MEGF6: variants seen among roughly 807,000 people sequenced by gnomAD.
MEGF6 encodes the protein multiple epidermal growth factor-like domains protein 6.
MEGF6 carries 184 observed loss-of-function variants against 207.1 expected under a neutral mutation model. That is an observed-to-expected ratio of 0.89 (90% CI 0.79 to 1.00). The LOEUF is 1.00. Ranked by LOEUF, MEGF6 falls within the 50% of genes least tolerant of loss-of-function variation. The probability of loss-of-function intolerance (pLI) is 0.00; values close to 1 mark genes in which losing one functional copy is unlikely to be tolerated. For missense variants in MEGF6, 2,282 were observed against 2,202.9 expected (o/e 1.04, Z -0.72); for synonymous variants, 1,038 against 910.0 (o/e 1.14, Z -2.53).
intron 3 of MEGF6, 113 bp from the exon 4 acceptor site, chr1:3,580,042 C>T (rs1344303543): frequency 8.5e-6 from 6 of 704,424 alleles, no homozygotes; most frequent in Non-Finnish European, 1.4e-5. Context: ...AGGTCCCCAG[C>T]CCCGTTCTCT....
chr1:3,528,874 G>A (rs1281332039), intron 4 of MEGF6, among the ~76,000 whole-genome samples: 11 of 152,196 alleles, frequency 7.2e-5, no homozygotes, highest in African/African-American at 1.9e-4. Context: ...GGACTGTCAG[G>A]TAATAAATCC....
At chr1:3,538,461 C>T (rs970023944) in intron 4 of MEGF6, among the ~76,000 whole-genome samples, 1 of 152,228 alleles carries the variant, frequency 6.6e-6, no homozygotes, top group Non-Finnish European at 1.5e-5. Flanking sequence ...TTGAAACCAC[C>T]GCTGTTTCCG....
chr1:3,495,000 C>A (rs1323152542), intron 30 of MEGF6, among the ~76,000 whole-genome samples: 1 of 152,200 alleles, frequency 6.6e-6, no homozygotes, highest in Admixed American at 6.5e-5. Flanking sequence ...TGGGTGAGCG[C>A]CTGCCCAGCC....
chr1:3,539,162 G>A (rs1227368639), intron 4 of MEGF6, among the ~76,000 whole-genome samples: 1 of 152,144 alleles, frequency 6.6e-6, no homozygotes. Context: ...GGGAAGAGAT[G>A]GGGCGTGGTG....
In MEGF6 at chr1:3,516,657, G is replaced by T. The variant is rs540848397; in HGVS notation, c.605-1130C>A. Among the ~76,000 whole-genome samples, 6 of 152,344 alleles carry T rather than the reference G, an allele frequency of 3.9e-5. No individual in the cohort carries two copies. The South Asian group carries it at 6.2e-4, about 16-fold the overall frequency. On this transcript the variant is annotated intron_variant, in intron 5 of 36. Transcript: ENST00000356575. ...GGATGGGAAGCCCGGCACCATGGAG[G>T]GGAGGGCGGTCAGAGGTCAACAGAG...
Position 3,511,649 on chromosome 1 carries a change from T to C in MEGF6, c.1015A>G (p.Asn339Asp), listed in dbSNP as rs746132166. The change falls in exon 9 of 37, where the codon AAC becomes GAC. Residue 339 changes from asparagine to aspartate, a missense_variant. Transcript: ENST00000356575. ...MEIVNSCEAN[N>D]GGCSHGCSHT... ...CTGCAGCCATGGGAGCAGCCGCCGT[T>C]GTTGGCCTCACAGCTGTTCACGATT... 1.2e-6 allele frequency: 2 copies of C among 1,612,188 alleles called. No homozygotes were observed. Among genetic ancestry groups the C allele is most frequent in the Non-Finnish European group, 8.5e-7 (1 of 1,179,328 alleles).
Position 3,602,260 on chromosome 1 carries a change from G to A in MEGF6, c.266+206C>T, listed in dbSNP as rs145777083. 2.6e-3 allele frequency among the ~76,000 whole-genome samples: 394 copies of A among 152,342 alleles called. 10 individuals are homozygous for A. The highest frequency in any genetic ancestry group is 9.0e-3 in the African/African-American group (373 of 41,576). On this transcript the variant is annotated intron_variant, in intron 2 of 36. Coordinates refer to ENST00000356575, the MANE Select transcript of MEGF6 (RefSeq NM_001409.4). The stretch of plus-strand genomic sequence containing the variant: ...GACTCAGGTGCTCGGCTAAACAGGA[G>A]AGGGCTACAGCATGTGAGTAGCCCC...
Position 3,510,885 on chromosome 1 carries a change from C to A in MEGF6, c.1132G>T (p.Asp378Tyr). The A allele has an allele frequency of 6.2e-7, 1 of 1,608,432 alleles. No individual in the cohort carries two copies. Among genetic ancestry groups the A allele is most frequent in the Non-Finnish European group, 8.5e-7 (1 of 1,176,402 alleles). ...CACACCTGCTGGCAGCACGGGCTGT[C>A]TGCACAGTCGTCGACATCTGTGGAG... ...RTCIDVDDCA[D>Y]SPCCQQVCTN... Residue 378 changes from aspartate to tyrosine, a missense_variant, in exon 10 of 37, where the codon GAC becomes TAC. Transcript: ENST00000356575.
At chr1:3,496,950 C>G (rs61759245) in intron 28 of MEGF6, 38 bp downstream of exon 28, 50,084 of 1,543,316 alleles carry the variant, frequency 0.032, 2,269 homozygotes, top group African/African-American at 0.22. Flanking sequence ...CGCCAGGCAG[C>G]ACTGCCGAGT....
chr1:3,497,980 C>T (rs988737091), intron 26 of MEGF6, among the ~76,000 whole-genome samples: 6 of 152,118 alleles, frequency 3.9e-5, no homozygotes, highest in East Asian at 1.9e-4. Context: ...CAGGCCCTGC[C>T]GGCACAGCAG....
intron 4 of MEGF6, among the ~76,000 whole-genome samples, chr1:3,553,875 C>T (rs899851210): frequency 1.3e-5 from 2 of 152,200 alleles, no homozygotes; most frequent in African/African-American, 2.4e-5. Context: ...CAGGTGGGCC[C>T]GGGAGCACCC....
intron 5 of MEGF6, among the ~76,000 whole-genome samples, chr1:3,517,539 G>GA (rs1456003784): frequency 1.3e-5 from 2 of 152,232 alleles, no homozygotes; most frequent in African/African-American, 4.8e-5. Flanking sequence ...GAACCAGGCA[G>GA]ATTTTCGCCA....
intron 15 of MEGF6, 143 bp from the exon 16 acceptor site, chr1:3,505,699 C>T (rs1195641029): frequency 2.6e-6 from 3 of 1,169,862 alleles, no homozygotes; most frequent in African/African-American, 1.5e-5. Context: ...TGCAGCCCAC[C>T]GCCCCTTCCC....
At chr1:3,572,446 G>A (rs867692527) in intron 4 of MEGF6, among the ~76,000 whole-genome samples, 6 of 129,098 alleles carry the variant, frequency 4.6e-5, no homozygotes, top group African/African-American at 1.6e-4. Context: ...CCTCCTGGGT[G>A]TGCTGGGTCC....
intron 4 of MEGF6, among the ~76,000 whole-genome samples, chr1:3,526,537 T>C (rs1641970581): frequency 6.6e-6 from 1 of 152,114 alleles, no homozygotes; most frequent in Admixed American, 6.5e-5. Flanking sequence ...TAGCTGGGAT[T>C]ACAGGCACCC....
At position 3,499,853 on chromosome 1, in the gene MEGF6, G is replaced by A. The variant is rs1247667099; in HGVS notation, c.2779C>T (p.His927Tyr). Residue 927 changes from histidine (H) to tyrosine (Y), a missense_variant, in exon 22 of 37, where the codon CAC (histidine) becomes TAC (tyrosine). His to Tyr is a moderately conservative substitution (Grantham distance 83). Coordinates refer to ENST00000356575, the MANE Select transcript of MEGF6 (RefSeq NM_001409.4). ...GGGCAGGTGCAGGCCCCGCTGACGT[G>A]GTCACAGGCTGCTCCATGCTGACAC... ...CQCQHGAACD[H>Y]VSGACTCPAG... 6.4e-6 allele frequency: 10 copies of A among 1,555,182 alleles called. No individual in the cohort carries two copies. Among genetic ancestry groups the A allele is most frequent in the African/African-American group, 1.4e-5 (1 of 73,424 alleles).
intron 35 of MEGF6, among the ~76,000 whole-genome samples, chr1:3,492,029 ACACAGGCACTGGCACG>A (rs993622105): frequency 5.3e-5 from 8 of 151,950 alleles, no homozygotes; most frequent in Non-Finnish European, 1.2e-4. Context: ...CACACGTAAC[ACACAGGCACTGGCACG>A]CACAGGTGCC....
Position 3,570,363 on chromosome 1 carries a change from G to C in MEGF6, c.481+9462C>G, listed in dbSNP as rs577750718. ...CCCGGCAGGCACTGGCTCCCACGGG[G>C]AAGCGGGACTCGGGGGATTTCCAGG... On this transcript the variant is annotated intron_variant, in intron 4 of 36. Coordinates refer to ENST00000356575, the MANE Select transcript of MEGF6 (RefSeq NM_001409.4). Among the ~76,000 whole-genome samples, 2 of 152,364 alleles carry C rather than the reference G, an allele frequency of 1.3e-5. 1 individual carries two copies. The highest frequency in any genetic ancestry group is 4.1e-4 in the South Asian group (2 of 4,832).
intron 4 of MEGF6, chr1:3,531,148 C>CAGAGGT (rs1323018615): frequency 1.3e-6 from 2 of 1,528,734 alleles, no homozygotes; most frequent in African/African-American, 2.9e-5. Flanking sequence ...GCAGCCCCTC[C>CAGAGGT]AGAGGTAGCG....
Sources: gnomAD v4.1 joint callset for allele counts (sites outside exome capture counted in the v4.1 genomes callset) on GRCh38, gnomAD v4.1.1 for gene constraint, MANE v1.5 for transcripts, NCBI Gene and HGNC (gene_info 2026-07-23, HGNC 2026-07-21) for gene names.